Variants in DOCK5 observed in about 807,000 individuals in gnomAD.
The protein encoded by DOCK5 is dedicator of cytokinesis protein 5.
A neutral mutation model predicts 251.8 loss-of-function variants in DOCK5; 142 were observed. The ratio of observed to expected loss-of-function variants is 0.56; its 90% CI spans 0.49 to 0.65. The LOEUF is 0.65. Ranked by LOEUF, DOCK5 falls within the 30% of genes least tolerant of loss-of-function variation. The pLI is 0.00. For missense variants in DOCK5, 2,111 were observed against 2,312.3 expected (o/e 0.91, Z 1.79); for synonymous variants, 842 against 835.5 (o/e 1.01, Z -0.13).
chr8:25,341,579 T>C (rs1257802226), intron 23 of DOCK5, among the ~76,000 whole-genome samples, 160 bp from the exon 24 acceptor site: 1 of 152,116 alleles, frequency 6.6e-6, no homozygotes, highest in African/African-American at 2.4e-5. Flanking sequence ...TTTTAGGAGA[T>C]CGTGTAGAGC....
At chr8:25,221,196 C>A (rs952442957) in intron 1 of DOCK5, among the ~76,000 whole-genome samples, 4 of 152,144 alleles carry the variant, frequency 2.6e-5, no homozygotes, top group African/African-American at 7.2e-5. Flanking sequence ...TTTGTCTTGT[C>A]TTTCTCTTTC....
chr8:25,385,959 C>T (rs1470970986), intron 40 of DOCK5, among the ~76,000 whole-genome samples: 2 of 152,156 alleles, frequency 1.3e-5, no homozygotes, highest in Admixed American at 1.3e-4. Context: ...GCAAAGGTCC[C>T]AGACCTTGAG....
At chr8:25,306,856 T>TCTA (rs1804953710) in intron 11 of DOCK5, among the ~76,000 whole-genome samples, 1 of 152,216 alleles carries the variant, frequency 6.6e-6, no homozygotes, top group Non-Finnish European at 1.5e-5. Context: ...GGCTCTCTTG[T>TCTA]CATTGTGTAG....
intron 2 of DOCK5, among the ~76,000 whole-genome samples, chr8:25,264,754 G>A (rs1053101979): frequency 9.2e-5 from 14 of 151,838 alleles, no homozygotes; most frequent in Admixed American, 8.5e-4. Flanking sequence ...TTGAACCTGG[G>A]AGGAGGAGGT....
intron 49 of DOCK5, 75 bp from the exon 50 acceptor site, chr8:25,408,727 C>G (rs1586403700): frequency 1.3e-6 from 2 of 1,558,046 alleles, no homozygotes; most frequent in East Asian, 2.3e-5. Flanking sequence ...TCTCAGAAGA[C>G]AAGGCTGTTG....
Position 25,310,509 on chromosome 8 carries a change from G to C in DOCK5, c.1295G>C (p.Gly432Ala). The C allele has an allele frequency of 6.2e-7, 1 of 1,612,146 alleles. No homozygotes were observed. The change falls in exon 13 of 52, where the codon GGC becomes GCC. Residue 432 changes from glycine (G) to alanine (A), a missense_variant. Physicochemically the swap from Gly to Ala is moderately conservative, Grantham distance 60. This residue lies in a region of DOCK5 where 1,717 missense variants were observed against 1,892.4 expected (regional missense o/e 0.91). Transcript: ENST00000276440. ...DRSTAIARKMGFPEIILPGDV... is the reference protein window; with the variant it reads ...DRSTAIARKMAFPEIILPGDV... ...TCAACAGCAATAGCCCGGAAGATGGGCTTTCCTGAAATCATACTGCCAGGT... is the reference window on the plus strand; with the variant it reads ...TCAACAGCAATAGCCCGGAAGATGGCCTTTCCTGAAATCATACTGCCAGGT...
In DOCK5 at chr8:25,298,844, T is replaced by C. The variant is rs1586306615; in HGVS notation, c.607-100T>C. The stretch of plus-strand genomic sequence containing the variant: ...GGAATGAGCCACTGTGCCCAGGCTT[T>C]GTCTGCCATTTGCAGGCTTATTTAT... On this transcript the variant is annotated intron_variant, in intron 7 of 51. Transcript: ENST00000276440. 1.9e-5 allele frequency: 25 copies of C among 1,331,432 alleles called. No individual in the cohort carries two copies. In the East Asian group the frequency reaches 6.0e-4, roughly 32 times the overall value. The allele number at this position is 1,331,432 out of a possible 1,614,324, so 82.5% of individuals were successfully genotyped here. A position where few individuals can be genotyped will look rare whatever the true frequency, so the allele number is the denominator to read the frequency against.
At chr8:25,377,502 A>T (rs376298725) in intron 38 of DOCK5, 78 bp downstream of exon 38, 210 of 1,498,484 alleles carry the variant, frequency 1.4e-4, no homozygotes, top group Middle Eastern at 7.0e-4. Flanking sequence ...GATGCTCACC[A>T]CTTGGAGTTA....
At chr8:25,365,008 A>G (rs570286896) in intron 30 of DOCK5, among the ~76,000 whole-genome samples, 6 of 152,356 alleles carry the variant, frequency 3.9e-5, no homozygotes, top group Admixed American at 2.0e-4. Context: ...GACCCTTTGT[A>G]TATTTACACA....
At chr8:25,376,759 T>G (rs966439728) in intron 37 of DOCK5, 6 of 152,294 alleles carry the variant, frequency 3.9e-5, no homozygotes, top group Non-Finnish European at 7.3e-5. Flanking sequence ...CTTGTAATGT[T>G]CACTCTTAGA....
At chr8:25,308,753 C>G in intron 11 of DOCK5, 30 bp from the exon 12 acceptor site, 1 of 1,610,842 alleles carries the variant, frequency 6.2e-7, no homozygotes, top group Non-Finnish European at 8.5e-7. Flanking sequence ...TCTCCCCCTC[C>G]CACCTTACCT....
chr8:25,383,909 A>G (rs1307057425), intron 40 of DOCK5, among the ~76,000 whole-genome samples: 2 of 152,210 alleles, frequency 1.3e-5, no homozygotes, highest in African/African-American at 4.8e-5. Flanking sequence ...TGCTATAAGA[A>G]TCTGTAACCA....
chr8:25,377,278 C>T (rs774703758), intron 37 of DOCK5, 27 bp from the exon 38 acceptor site: 13 of 1,594,784 alleles, frequency 8.2e-6, no homozygotes, highest in South Asian at 1.1e-5. Context: ...GTTGTATTAA[C>T]CGTGTGTCGC....
chr8:25,391,007 C>T (rs923507368), intron 42 of DOCK5, among the ~76,000 whole-genome samples: 3 of 151,778 alleles, frequency 2.0e-5, no homozygotes, highest in African/African-American at 7.3e-5. Context: ...CGGGGTTTCA[C>T]CGTGTTGCCC....
chr8:25,366,409 C>G (rs1327676420), intron 30 of DOCK5, among the ~76,000 whole-genome samples: 1 of 152,156 alleles, frequency 6.6e-6, no homozygotes, highest in East Asian at 1.9e-4. Context: ...GACGCTTGAA[C>G]CTGGGAGGCG....
At chr8:25,382,622 C>T in intron 39 of DOCK5, 52 bp from the exon 40 acceptor site, 1 of 1,417,432 alleles carries the variant, frequency 7.1e-7, no homozygotes, top group Non-Finnish European at 9.7e-7. Context: ...TTTTTTTTCC[C>T]CCAACTGTGT....
intron 45 of DOCK5, among the ~76,000 whole-genome samples, chr8:25,398,980 G>A (rs1182476505): frequency 6.6e-6 from 1 of 152,128 alleles, no homozygotes; most frequent in Non-Finnish European, 1.5e-5. Flanking sequence ...AGTCTGTCCT[G>A]TAGTTCCAGG....
intron 32 of DOCK5, 66 bp downstream of exon 32, chr8:25,368,316 C>G: frequency 7.0e-7 from 1 of 1,431,846 alleles, no homozygotes; most frequent in Non-Finnish European, 9.6e-7. Context: ...ACGATAAAGT[C>G]TTTTTTTTAT....
chr8:25,391,300 G>A (rs766899493), intron 42 of DOCK5, among the ~76,000 whole-genome samples: 6 of 150,822 alleles, frequency 4.0e-5, no homozygotes, highest in East Asian at 2.0e-4. Flanking sequence ...GAGTTCAAGC[G>A]ATCCTCCCAC....
Sources: allele counts gnomAD v4.1 joint callset (sites outside exome capture counted in the v4.1 genomes callset), GRCh38; gene constraint gnomAD v4.1.1; regional missense constraint gnomAD v4.1.1; transcripts MANE v1.5; gene names NCBI Gene and HGNC (gene_info 2026-07-23, HGNC 2026-07-21).